The following EVC variants were observed in gnomAD, a reference collection of about 807,000 sequenced individuals.
EVC encodes the protein EvC ciliary complex subunit 1.
Under a neutral mutation model 118.9 loss-of-function variants are expected in EVC, and 116 were observed. The ratio of observed to expected loss-of-function variants is 0.98; its 90% CI spans 0.84 to 1.14. EVC has a LOEUF of 1.14. Among genes scored for constraint, EVC ranks in the 50% most tolerant of loss-of-function variants. EVC has a pLI of 0.00. For synonymous variants in EVC, 619 were observed against 534.7 expected, an observed-to-expected ratio of 1.16 and a Z score of -2.18; for missense variants, 1,401 against 1,246.4, an observed-to-expected ratio of 1.12 and a Z score of -1.87.
chr4:5,828,615 C>A, the EVC span: 1 of 1,614,192 alleles, frequency 6.2e-7, no homozygotes, highest in Middle Eastern at 1.6e-4. Flanking sequence ...GGCTGATGAC[C>A]ACTAGTGGGG....
chr4:5,761,807 C>T (rs1732070568), intron 11 of EVC, among the ~76,000 whole-genome samples: 1 of 151,854 alleles, frequency 6.6e-6, no homozygotes, highest in South Asian at 2.1e-4. Context: ...CACCTCTCAT[C>T]CCGACCTTTA....
chr4:5,787,194 A>G (rs184173070), intron 12 of EVC, among the ~76,000 whole-genome samples: 2 of 152,356 alleles, frequency 1.3e-5, no homozygotes, highest in Admixed American at 6.5e-5. Context: ...AATCTGCTCT[A>G]ATGCAGATTT....
chr4:5,821,870 C>A, the EVC span: 37 of 1,537,942 alleles, frequency 2.4e-5, no homozygotes, highest in Non-Finnish European at 3.1e-5. The surrounding 1 kb of genome is among the most constrained non-coding windows in gnomAD (Gnocchi z 4.4). Flanking sequence ...GAGCGCCAAT[C>A]GCTGCTGGAT....
At chr4:5,793,460 T>C (rs1037266437) in intron 12 of EVC, 148 bp from the exon 13 acceptor site, 5 of 759,094 alleles carry the variant, frequency 6.6e-6, no homozygotes, top group African/African-American at 3.5e-5. Flanking sequence ...TAGAAGAAAA[T>C]ACAAGAGAAA....
chr4:5,820,407 C>T, the EVC span, among the ~76,000 whole-genome samples: 1 of 152,094 alleles, frequency 6.6e-6, no homozygotes, highest in African/African-American at 2.4e-5. Context: ...TTTAGTGTAT[C>T]TCTAGCTCAT....
At chr4:5,726,186 G>C (rs1725780679) in intron 2 of EVC, among the ~76,000 whole-genome samples, 1 of 152,236 alleles carries the variant, frequency 6.6e-6, no homozygotes, top group South Asian at 2.1e-4. Context: ...TGGTGATGGA[G>C]CTCACTCTTC....
At position 5,813,251 on chromosome 4, in the gene EVC, G is replaced by C. The variant is rs1399639953; in HGVS notation, c.*2214G>C. 5 of 152,240 alleles carry C rather than the reference G, an allele frequency of 3.3e-5. No homozygotes were observed. The highest frequency in any genetic ancestry group is 1.3e-4 in the Admixed American group (2 of 15,282). The allele number at this position is 152,240 out of a possible 1,614,324, so 9.4% of individuals were successfully genotyped here. ...ATAGAAATCACTTTTGCCCAGGCTG[G>C]AGTGCAGTGGCGTGATCTCGGCTCA... is the stretch of plus-strand genomic sequence containing the variant. On this transcript the variant is annotated 3_prime_UTR_variant, in exon 21 of 21. Coordinates refer to ENST00000264956, the MANE Select transcript of EVC (RefSeq NM_153717.3).
intron 1 of EVC, among the ~76,000 whole-genome samples, chr4:5,715,740 C>CT (rs35287924): frequency 0.017 from 1,216 of 70,986 alleles, 25 homozygotes; most frequent in South Asian, 0.046. Context: ...TTTCCATTGT[C>CT]TTTTTTTTTT....
Position 5,759,042 on chromosome 4 carries a change from A to C in EVC, c.1563+2680A>C, listed in dbSNP as rs554767687. 2.0e-5 allele frequency among the ~76,000 whole-genome samples: 3 copies of C among 147,716 alleles called. No individual in the cohort carries two copies. The East Asian group carries it at 6.2e-4, about 30-fold the overall frequency. On this transcript the variant is annotated intron_variant, in intron 11 of 20. Coordinates refer to ENST00000264956, the MANE Select transcript of EVC (RefSeq NM_153717.3). ...TGATTATTCATAAGGGCGTGGGAAGAAGCATTATTAGTAAGCATGTTGTGG... is the reference window on the plus strand; with the variant it reads ...TGATTATTCATAAGGGCGTGGGAAGCAGCATTATTAGTAAGCATGTTGTGG...
At chr4:5,804,051 C>T (rs151046936) in intron 16 of EVC, among the ~76,000 whole-genome samples, 2,076 of 152,052 alleles carry the variant, frequency 0.014, 42 homozygotes, top group African/African-American at 0.046. Flanking sequence ...AGCAATTCTC[C>T]CTCAGCCTCC....
At chr4:5,804,618 C>G (rs948173629) in intron 16 of EVC, 112 bp from the exon 17 acceptor site, 2 of 843,500 alleles carry the variant, frequency 2.4e-6, no homozygotes, top group African/African-American at 1.7e-5. Context: ...GAAGGATACA[C>G]TCTTGGAGAG....
intron 12 of EVC, among the ~76,000 whole-genome samples, chr4:5,791,619 G>C (rs1455641759): frequency 6.6e-6 from 1 of 152,126 alleles, no homozygotes; most frequent in Non-Finnish European, 1.5e-5. Flanking sequence ...AAACTGAAGA[G>C]TAATCACCTG....
chr4:5,769,329 A>G (rs1468403069), intron 11 of EVC, among the ~76,000 whole-genome samples: 1 of 152,112 alleles, frequency 6.6e-6, no homozygotes, highest in African/African-American at 2.4e-5. Flanking sequence ...CACCCCAGTG[A>G]CTCAGTTACC....
rs951724126 is a variant in EVC, at chr4:5,756,692, T to C, written c.1563+330T>C. ...CCAGGGTTTCTGGGTGTCATCAGTG[T>C]AAAGTGGTGATGAAGAAGGGGTTCT... is the stretch of plus-strand genomic sequence containing the variant. On this transcript the variant is annotated intron_variant, in intron 11 of 20. Coordinates refer to ENST00000264956, the MANE Select transcript of EVC (RefSeq NM_153717.3). The surrounding 1 kb of genome is among the most constrained non-coding windows in gnomAD (Gnocchi z 4.2). Among the ~76,000 whole-genome samples, 1 of 152,134 alleles carries C rather than the reference T, an allele frequency of 6.6e-6. No homozygotes were observed. The highest frequency in any genetic ancestry group is 2.4e-5 in the African/African-American group (1 of 41,420).
At chr4:5,828,796 C>G in the EVC span, 5 of 1,152,738 alleles carry the variant, frequency 4.3e-6, no homozygotes, top group African/African-American at 1.6e-5. Flanking sequence ...TCTAAAAATA[C>G]CTTTTATTGA....
At position 5,719,510 on chromosome 4, in the gene EVC, C is replaced by T; in HGVS notation, c.300+137C>T. ...GGCTGCTTTTCTGAGGCATAATTTA[C>T]ATACAGTCAAATGCGCAGACTTTAG... On this transcript the variant is annotated intron_variant, in intron 2 of 20. Coordinates refer to ENST00000264956, the MANE Select transcript of EVC (RefSeq NM_153717.3). The surrounding 1 kb of genome is among the most constrained non-coding windows in gnomAD (Gnocchi z 4.7). The T allele has an allele frequency of 1.6e-6, 2 of 1,286,676 alleles. No individual in the cohort carries two copies. The highest frequency in any genetic ancestry group is 2.2e-6 in the Non-Finnish European group (2 of 894,618). 79.7% of individuals were successfully genotyped at this position (1,286,676 alleles called of 1,614,324 possible).
chr4:5,786,350 C>G (rs1711584569), intron 12 of EVC, among the ~76,000 whole-genome samples: 1 of 152,134 alleles, frequency 6.6e-6, no homozygotes, highest in African/African-American at 2.4e-5. Flanking sequence ...TTATTTTAGG[C>G]AAATAGACTA....
chr4:5,825,268 A>G, the EVC span: 54,975 of 985,218 alleles, frequency 0.056, 1,573 homozygotes, highest in African/African-American at 0.062. This position sits in a 1 kb window ranked among gnomAD's most constrained non-coding sequence, Gnocchi z 4.4. Context: ...GTAAACCCAC[A>G]TCAGGTACCA....
At chr4:5,764,619 G>T (rs201844738) in intron 11 of EVC, among the ~76,000 whole-genome samples, 50,617 of 145,532 alleles carry the variant, frequency 0.35, 9,481 homozygotes, top group Admixed American at 0.47. Context: ...CTTCTTCCTG[G>T]TTTAGTCTTG....
Sources: allele counts gnomAD v4.1 joint callset (sites outside exome capture counted in the v4.1 genomes callset), GRCh38; gene constraint gnomAD v4.1.1; non-coding constraint Gnocchi (gnomAD v3.1); transcripts MANE v1.5; gene names NCBI Gene and HGNC (gene_info 2026-07-23, HGNC 2026-07-21).